AKT2: variants seen among roughly 807,000 people sequenced by gnomAD.
AKT2 encodes the protein AKT serine/threonine kinase 2, also known as RAC-beta serine/threonine-protein kinase.
Under a neutral mutation model 58.6 loss-of-function variants are expected in AKT2, and 16 were observed. The ratio of observed to expected loss-of-function variants is 0.27; its 90% CI spans 0.18 to 0.41. The LOEUF is 0.41. Among genes scored for constraint, AKT2 ranks in the 10% least tolerant of loss-of-function variants. The pLI is 1.00. For missense variants in AKT2, 438 were observed against 661.0 expected, an observed-to-expected ratio of 0.66 and a Z score of 3.70; for synonymous variants, 253 against 254.0, an observed-to-expected ratio of 1.00 and a Z score of 0.04.
Position 40,233,427 on chromosome 19 carries a change from A to T in AKT2, c.*445T>A. On this transcript the variant is annotated 3_prime_UTR_variant, in exon 14 of 14. Transcript: ENST00000392038. This position sits in a 1 kb window ranked among gnomAD's most constrained non-coding sequence, Gnocchi z 4.3. ...TGCCTGGCCACTCCGAGCCTAGGCC[A>T]CGGGGCCTGGAAGGCAGCACCACTG... is the stretch of plus-strand genomic sequence containing the variant. The T allele has an allele frequency of 6.1e-6, 3 of 489,950 alleles. No individual in the cohort carries two copies. Among genetic ancestry groups the T allele is most frequent in the Non-Finnish European group, 1.2e-5 (3 of 257,470 alleles). 30.4% of individuals were successfully genotyped at this position (489,950 alleles called of 1,614,324 possible).
At chr19:40,250,089 T>C (rs1975039245) in intron 4 of AKT2, among the ~76,000 whole-genome samples, 1 of 152,148 alleles carries the variant, frequency 6.6e-6, no homozygotes, top group Non-Finnish European at 1.5e-5. Flanking sequence ...TGGTAGGAAA[T>C]GCTTCTGGAG....
Position 40,234,802 on chromosome 19 carries a change from G to A in AKT2, c.1366+243C>T, listed in dbSNP as rs980202536. On this transcript the variant is annotated intron_variant, in intron 13 of 13. Transcript: ENST00000392038. The surrounding 1 kb of genome is among the most constrained non-coding windows in gnomAD (Gnocchi z 4.7). ...GTGAACCCAGCCAGGCTCAGGGACC[G>A]GGCTGCCTCCTGCCCTGAGCCCCCC... 12 of 621,706 alleles carry A rather than the reference G, an allele frequency of 1.9e-5. No homozygotes were observed. The highest frequency in any genetic ancestry group is 1.1e-4 in the African/African-American group (6 of 54,348). The allele number at this position is 621,706 out of a possible 1,614,324, so 38.5% of individuals were successfully genotyped here.
At chr19:40,245,821 G>A (rs1223790866) in intron 4 of AKT2, among the ~76,000 whole-genome samples, 1 of 152,148 alleles carries the variant, frequency 6.6e-6, no homozygotes, top group Non-Finnish European at 1.5e-5. Flanking sequence ...CAGAACTCAT[G>A]GTGGATACTC....
intron 1 of AKT2, among the ~76,000 whole-genome samples, chr19:40,273,069 C>T (rs1247017516): frequency 6.6e-6 from 1 of 152,160 alleles, no homozygotes; most frequent in Non-Finnish European, 1.5e-5. Context: ...ACTGGCCAGG[C>T]GCGGTGGCTC....
intron 1 of AKT2, 175 bp downstream of exon 1, chr19:40,285,006 C>A (rs958984794): frequency 7.9e-6 from 3 of 378,412 alleles, no homozygotes; most frequent in East Asian, 3.8e-5. Context: ...CCCGGCCCCC[C>A]GAGGCTGGTC....
At chr19:40,280,169 C>T (rs749614701) in intron 1 of AKT2, among the ~76,000 whole-genome samples, 13 of 152,222 alleles carry the variant, frequency 8.5e-5, no homozygotes, top group Non-Finnish European at 1.2e-4. Flanking sequence ...TACAGGCCCA[C>T]GGCAGCGTGG....
At chr19:40,275,240 C>G (rs970269643) in intron 1 of AKT2, 1 of 456,724 alleles carries the variant, frequency 2.2e-6, no homozygotes, top group Non-Finnish European at 4.4e-6. Context: ...CTCCCACACC[C>G]CGGCCAGCCC....
At chr19:40,258,263 AC>A (rs371973723) in intron 2 of AKT2, among the ~76,000 whole-genome samples, 43 of 149,536 alleles carry the variant, frequency 2.9e-4, no homozygotes, top group African/African-American at 6.8e-4. Context: ...AAAAAAAAAA[AC>A]AAAAAAAAAA....
At chr19:40,270,993 A>T (rs2077201107) in intron 1 of AKT2, among the ~76,000 whole-genome samples, 3 of 151,452 alleles carry the variant, frequency 2.0e-5, no homozygotes, top group Admixed American at 2.0e-4. Context: ...AGCCTGGGAG[A>T]CAGAGCAAAA....
At position 40,237,904 on chromosome 19, in the gene AKT2, C is replaced by T; in HGVS notation, c.831+65G>A. 5 of 1,603,368 alleles carry T rather than the reference C, an allele frequency of 3.1e-6. No homozygotes were observed. Among genetic ancestry groups the T allele is most frequent in the Non-Finnish European group, 4.3e-6 (5 of 1,175,984 alleles). On this transcript the variant is annotated intron_variant, in intron 9 of 13. Transcript: ENST00000392038. The surrounding 1 kb of genome is among the most constrained non-coding windows in gnomAD (Gnocchi z 4.5). ...TGAGGGCAGAAGCTCAGCCCAACTT[C>T]CCCAGTGTGAGTCCCATGTGGTGTG...
Position 40,236,030 on chromosome 19 carries a change from G to A in AKT2, c.1035C>T (p.Cys345=), listed in dbSNP as rs779818307. 13 of 1,613,936 alleles carry A rather than the reference G, an allele frequency of 8.1e-6. No homozygotes were observed. The highest frequency in any genetic ancestry group is 6.7e-5 in the African/African-American group (5 of 74,890). Residue 345 remains cysteine (C), a synonymous_variant, in exon 11 of 14, where the codon TGC becomes TGT. Coordinates refer to ENST00000392038, the MANE Select transcript of AKT2 (RefSeq NM_001626.6). ...CCTGGTTGTAGAAGGGCAGGCGGCC[G>A]CACATCATCTCGTACATGACCACAC... is the stretch of plus-strand genomic sequence containing the variant. The part of the protein sequence containing the change: ...GLGVVMYEMM[C]GRLPFYNQDH...
At position 40,237,832 on chromosome 19, in the gene AKT2, G is replaced by C. The variant is rs3730053; in HGVS notation, c.831+137C>G. 190 of 1,260,276 alleles carry C rather than the reference G, an allele frequency of 1.5e-4. No individual in the cohort carries two copies. The African/African-American group carries it at 2.6e-3, about 17-fold the overall frequency. 78.1% of individuals were successfully genotyped at this position (1,260,276 alleles called of 1,614,324 possible). A position where few individuals can be genotyped will look rare whatever the true frequency, so the allele number is the denominator to read the frequency against. On this transcript the variant is annotated intron_variant, in intron 9 of 13. Transcript: ENST00000392038. This position sits in a 1 kb window ranked among gnomAD's most constrained non-coding sequence, Gnocchi z 4.5. ...CCTGGACCTTGGTGGGGAGCCTGGC[G>C]AATGAGGGCAGCCACCACCCTGGAC...
chr19:40,255,806 C>G (rs1975502233), intron 3 of AKT2, among the ~76,000 whole-genome samples: 1 of 152,128 alleles, frequency 6.6e-6, no homozygotes, highest in Non-Finnish European at 1.5e-5. Flanking sequence ...GTCCTCAGGG[C>G]AGCAGGGAGC....
intron 2 of AKT2, among the ~76,000 whole-genome samples, chr19:40,261,710 T>C (rs1975970859): frequency 6.6e-6 from 1 of 152,132 alleles, no homozygotes; most frequent in African/African-American, 2.4e-5. Flanking sequence ...GGTAATATGT[T>C]ATAGCAGCAC....
In AKT2 at chr19:40,233,179, T is replaced by C; in HGVS notation, c.*693A>G. On this transcript the variant is annotated 3_prime_UTR_variant, in exon 14 of 14. Coordinates refer to ENST00000392038, the MANE Select transcript of AKT2 (RefSeq NM_001626.6). The surrounding 1 kb of genome is among the most constrained non-coding windows in gnomAD (Gnocchi z 4.3). The stretch of plus-strand genomic sequence containing the variant: ...CCAAATGTTCCTCCTGCCTCATCCA[T>C]AGGGTGAGGACAGTTTGGTGGGGAG... 4.1e-6 allele frequency: 1 copy of C among 246,098 alleles called. No homozygotes were observed. Among genetic ancestry groups the C allele is most frequent in the Non-Finnish European group, 7.9e-6 (1 of 126,318 alleles). 15.2% of individuals were successfully genotyped at this position (246,098 alleles called of 1,614,324 possible).
intron 7 of AKT2, 170 bp downstream of exon 7, chr19:40,239,875 A>AC (rs751248443): frequency 1.2e-6 from 1 of 803,470 alleles, no homozygotes; most frequent in Non-Finnish European, 2.2e-6. Flanking sequence ...GAGCCTGCTC[A>AC]CCCCCACCAC....
chr19:40,283,822 G>A (rs1033993437), intron 1 of AKT2, among the ~76,000 whole-genome samples: 2 of 152,174 alleles, frequency 1.3e-5, no homozygotes, highest in Non-Finnish European at 2.9e-5. Context: ...AGTCCCCTTG[G>A]CCTATGCAAA....
At chr19:40,266,630 C>T (rs1014801964) in intron 1 of AKT2, among the ~76,000 whole-genome samples, 8 of 152,174 alleles carry the variant, frequency 5.3e-5, no homozygotes, top group African/African-American at 1.9e-4. Context: ...CACAGGACTG[C>T]CAGACTCTCA....
intron 7 of AKT2, 161 bp downstream of exon 7, chr19:40,239,884 A>T: frequency 2.3e-6 from 2 of 854,602 alleles, no homozygotes; most frequent in Non-Finnish European, 4.0e-6. Context: ...CACCCCCACC[A>T]CATGTCTTGG....
Sources: allele counts gnomAD v4.1 joint callset (sites outside exome capture counted in the v4.1 genomes callset), GRCh38; gene constraint gnomAD v4.1.1; non-coding constraint Gnocchi (gnomAD v3.1); transcripts MANE v1.5; gene names NCBI Gene and HGNC (gene_info 2026-07-23, HGNC 2026-07-21).